The following CLIC5 variants were observed in gnomAD, a reference collection of about 807,000 sequenced individuals.
CLIC5 encodes CLIC family member 5.
A neutral mutation model predicts 24.7 loss-of-function variants in CLIC5; 20 were observed. That is an observed-to-expected ratio of 0.81 (90% confidence interval 0.57 to 1.18). CLIC5 has a LOEUF of 1.18. CLIC5 is among the 50% of genes most tolerant of loss of function. The probability of loss-of-function intolerance (pLI) is 0.00; values close to 1 mark genes in which losing one functional copy is unlikely to be tolerated. For synonymous variants in CLIC5, 159 were observed against 135.6 expected (o/e 1.17, Z -1.20); for missense variants, 341 against 326.1 (o/e 1.05, Z -0.35).
chr6:46,039,375 A>G (rs1290981516), intron 1 of CLIC5, among the ~76,000 whole-genome samples: 1 of 130,974 alleles, frequency 7.6e-6, no homozygotes, highest in African/African-American at 2.7e-5. Flanking sequence ...AGACCATAAT[A>G]AGAACTTATT....
intron 4 of CLIC5, chr6:45,919,085 C>A: frequency 6.1e-6 from 6 of 985,372 alleles, no homozygotes; most frequent in Non-Finnish European, 7.2e-6. Context: ...GGTGGAAAAA[C>A]AACAACAACT....
chr6:46,089,815 G>C, the CLIC5 span, among the ~76,000 whole-genome samples: 2 of 152,144 alleles, frequency 1.3e-5, no homozygotes, highest in Non-Finnish European at 2.9e-5. Flanking sequence ...ATGGAACTTA[G>C]TTCTGCTTTG....
intron 1 of CLIC5, among the ~76,000 whole-genome samples, chr6:46,041,768 A>G (rs540547946): frequency 3.0e-4 from 45 of 152,332 alleles, no homozygotes; most frequent in African/African-American, 9.1e-4. Flanking sequence ...CAACTATAAA[A>G]TGGGAGTAAC....
At chr6:46,076,796 A>G (rs1391261772) in intron 1 of CLIC5, among the ~76,000 whole-genome samples, 2 of 152,152 alleles carry the variant, frequency 1.3e-5, no homozygotes, top group African/African-American at 4.8e-5. Flanking sequence ...TTTTATATTT[A>G]TTTGTTTATT....
the CLIC5 span, among the ~76,000 whole-genome samples, chr6:46,109,581 A>G: frequency 6.6e-6 from 1 of 150,830 alleles, no homozygotes; most frequent in Non-Finnish European, 1.5e-5. Flanking sequence ...CTAACTCAAC[A>G]GCAATCAAAG....
the CLIC5 span, chr6:46,123,047 TAGAA>T: frequency 6.6e-6 from 1 of 152,092 alleles, no homozygotes; most frequent in Non-Finnish European, 1.5e-5. Context: ...TTCCAATCAA[TAGAA>T]AGAGAGGGAA....
At chr6:45,998,198 C>T (rs1332111375) in intron 1 of CLIC5, among the ~76,000 whole-genome samples, 7 of 152,180 alleles carry the variant, frequency 4.6e-5, no homozygotes, top group Non-Finnish European at 7.3e-5. Flanking sequence ...ATTTTTCACA[C>T]GGTGACATCC....
intron 1 of CLIC5, among the ~76,000 whole-genome samples, chr6:46,011,514 G>A (rs1310898623): frequency 3.9e-5 from 6 of 152,204 alleles, no homozygotes; most frequent in African/African-American, 1.2e-4. Context: ...GCCATCAGAA[G>A]TTTTAAAATC....
intron 1 of CLIC5, among the ~76,000 whole-genome samples, chr6:46,074,676 G>A (rs1399632097): frequency 1.3e-5 from 2 of 152,184 alleles, no homozygotes; most frequent in African/African-American, 4.8e-5. Flanking sequence ...CAGGAGTGTT[G>A]TTCTTATGTC....
At chr6:46,082,803 T>TC (rs1440966863), upstream of CLIC5, among the ~76,000 whole-genome samples, 2 of 148,292 alleles carry the variant, frequency 1.3e-5, no homozygotes, top group African/African-American at 4.9e-5. Flanking sequence ...TACCCTACTT[T>TC]CCCCCCCTTT....
chr6:46,079,968 T>G (rs1762880423), exon 1 of CLIC5: 13 of 1,551,746 alleles, frequency 8.4e-6, no homozygotes, highest in South Asian at 1.2e-5. Context: ...ATGAGCCTCC[T>G]GGAGTTCAGA....
chr6:45,985,418 T>C (rs1156967399), intron 1 of CLIC5, among the ~76,000 whole-genome samples: 3 of 152,224 alleles, frequency 2.0e-5, no homozygotes, highest in Non-Finnish European at 4.4e-5. Flanking sequence ...TGTTAATTTC[T>C]TCCCATAGGT....
intron 1 of CLIC5, among the ~76,000 whole-genome samples, chr6:46,055,380 G>A (rs960430388): frequency 6.6e-6 from 1 of 152,152 alleles, no homozygotes; most frequent in Admixed American, 6.5e-5. Flanking sequence ...TGGGAAAACA[G>A]GCGTGAACCA....
At chr6:45,977,487 A>C (rs1355951050) in intron 1 of CLIC5, among the ~76,000 whole-genome samples, 1 of 152,196 alleles carries the variant, frequency 6.6e-6, no homozygotes, top group Non-Finnish European at 1.5e-5. Flanking sequence ...AATATCCTAA[A>C]TTATTTCTTT....
At chr6:45,998,199 G>A (rs1207509399) in intron 1 of CLIC5, among the ~76,000 whole-genome samples, 2 of 152,124 alleles carry the variant, frequency 1.3e-5, no homozygotes, top group African/African-American at 4.8e-5. Flanking sequence ...TTTTTCACAC[G>A]GTGACATCCT....
chr6:46,112,110 A>C, the CLIC5 span, among the ~76,000 whole-genome samples: 1 of 152,162 alleles, frequency 6.6e-6, no homozygotes, highest in South Asian at 2.1e-4. Flanking sequence ...ATTTCATCCT[A>C]AAATATACTT....
At chr6:45,984,951 C>T (rs921478296) in intron 1 of CLIC5, among the ~76,000 whole-genome samples, 4 of 152,170 alleles carry the variant, frequency 2.6e-5, no homozygotes. Context: ...GTCATAGCTG[C>T]CTCACGGGGA....
chr6:46,029,787 T>C (rs1767447316), intron 1 of CLIC5, among the ~76,000 whole-genome samples: 1 of 152,204 alleles, frequency 6.6e-6, no homozygotes, highest in Admixed American at 6.5e-5. Flanking sequence ...AATTGACATC[T>C]TTCTGGGGAA....
At chr6:45,976,398 TG>T (rs1333476314) in intron 1 of CLIC5, among the ~76,000 whole-genome samples, 2 of 152,100 alleles carry the variant, frequency 1.3e-5, no homozygotes, top group Non-Finnish European at 2.9e-5. Flanking sequence ...TGCCTAGGAC[TG>T]GGGGAATTCC....
Sources: gnomAD v4.1 joint callset for allele counts (sites outside exome capture counted in the v4.1 genomes callset) on GRCh38, gnomAD v4.1.1 for gene constraint, MANE v1.5 for transcripts, NCBI Gene and HGNC (gene_info 2026-07-23, HGNC 2026-07-21) for gene names.